CASP6: variants seen among roughly 807,000 people sequenced by gnomAD.
CASP6 encodes caspase-6.
In CASP6, 20 loss-of-function variants were observed where a neutral mutation model predicts 31.8. The ratio of observed to expected loss-of-function variants is 0.63; its 90% CI spans 0.44 to 0.91. The LOEUF (loss-of-function observed/expected upper bound fraction) is 0.91. Ranked by LOEUF, CASP6 falls within the 40% of genes least tolerant of loss-of-function variation. CASP6 has a pLI of 0.00. For missense variants in CASP6, 328 were observed against 361.1 expected, an observed-to-expected ratio of 0.91 and a Z score of 0.74; for synonymous variants, 130 against 127.8, an observed-to-expected ratio of 1.02 and a Z score of -0.12.
chr4:109,689,769 G>A (rs1044445993), intron 6 of CASP6, among the ~76,000 whole-genome samples: 11 of 152,044 alleles, frequency 7.2e-5, no homozygotes, highest in Non-Finnish European at 1.6e-4. Context: ...TTATATACAC[G>A]GGGTTAATTC....
the CASP6 span, among the ~76,000 whole-genome samples, chr4:109,679,010 T>C: frequency 1.7e-3 from 202 of 120,934 alleles, no homozygotes; most frequent in Non-Finnish European, 2.2e-3. Flanking sequence ...ACTTCCTAGA[T>C]GGGGTGGCAG....
In CASP6 at chr4:109,689,560, A is replaced by AATAAT. The variant is rs1729966973; in HGVS notation, c.647_651dup (p.Ser218IlefsTer8). On this transcript the variant is annotated frameshift_variant, in exon 7 of 7. Transcript: ENST00000265164. LOFTEE classifies it high-confidence loss of function. ...GAGCCGTTCACAGTTTCCCGGTGAGAATAATATCCTAAAAAAGTGAGAAGG... is the reference window on the plus strand; with the variant it reads ...GAGCCGTTCACAGTTTCCCGGTGAGAATAATATAATATCCTAAAAAAGTGAGAAGG... 6.2e-7 allele frequency: 1 copy of AATAAT among 1,613,186 alleles called. No homozygotes were observed. The highest frequency in any genetic ancestry group is 1.3e-5 in the African/African-American group (1 of 74,880).
At chr4:109,680,184 A>C in the CASP6 span, among the ~76,000 whole-genome samples, 1 of 152,306 alleles carries the variant, frequency 6.6e-6, no homozygotes, top group African/African-American at 2.4e-5. Flanking sequence ...GTTCAAGGAC[A>C]TAACTCTGGC....
upstream of CASP6, among the ~76,000 whole-genome samples, chr4:109,705,999 AAAATATAT>A (rs1402456248): frequency 3.9e-4 from 14 of 35,990 alleles, no homozygotes; most frequent in African/African-American, 1.8e-3. Flanking sequence ...AAAAAAAAAA[AAAATATAT>A]ATATATATAT....
chr4:109,706,290 G>GTC (rs540487746), upstream of CASP6, among the ~76,000 whole-genome samples: 69 of 150,860 alleles, frequency 4.6e-4, 2 homozygotes, highest in South Asian at 0.014. Context: ...AGGGGTTCAA[G>GTC]ACTTCAGTGA....
chr4:109,672,819 T>A, the CASP6 span, among the ~76,000 whole-genome samples: 2 of 152,232 alleles, frequency 1.3e-5, no homozygotes, highest in African/African-American at 2.4e-5. Flanking sequence ...TGTGTCTTTG[T>A]GACTTGCTCC....
upstream of CASP6, among the ~76,000 whole-genome samples, chr4:109,705,092 G>A (rs983106088): frequency 6.6e-6 from 1 of 152,208 alleles, no homozygotes; most frequent in Admixed American, 6.5e-5. Context: ...AGAAGTCAAT[G>A]CCTGTCTTCA....
At chr4:109,695,019 C>T (rs191492192) in intron 4 of CASP6, among the ~76,000 whole-genome samples, 19 of 152,068 alleles carry the variant, frequency 1.2e-4, no homozygotes, top group Non-Finnish European at 2.2e-4. Context: ...TTAGTAGAGA[C>T]GGGGTTTTGC....
chr4:109,706,463 C>T (rs1207875616), upstream of CASP6, among the ~76,000 whole-genome samples: 4 of 152,024 alleles, frequency 2.6e-5, no homozygotes, highest in East Asian at 1.9e-4. Flanking sequence ...ATAGAATCTA[C>T]TCCTGGTGAA....
At chr4:109,673,790 G>A in the CASP6 span, 10 of 635,890 alleles carry the variant, frequency 1.6e-5, no homozygotes, top group East Asian at 5.1e-5. Flanking sequence ...ATCAGAAGCC[G>A]GTTGGCGGGT....
the CASP6 span, among the ~76,000 whole-genome samples, chr4:109,675,024 C>T: frequency 6.6e-6 from 1 of 152,158 alleles, no homozygotes; most frequent in Admixed American, 6.5e-5. Flanking sequence ...TCTCTTGTCT[C>T]ATCTGAATTT....
At chr4:109,681,288 G>T in the CASP6 span, 1 of 279,512 alleles carries the variant, frequency 3.6e-6, no homozygotes. Flanking sequence ...TGAGTCTCTG[G>T]GGTCAGCAAA....
intron 6 of CASP6, among the ~76,000 whole-genome samples, chr4:109,690,246 A>AC: frequency 1.2e-5 from 1 of 80,640 alleles, no homozygotes; most frequent in African/African-American, 5.9e-5. Context: ...TAAAAAAAAA[A>AC]AACGCACGCA....
At chr4:109,665,687 A>AT in the CASP6 span, among the ~76,000 whole-genome samples, 1 of 152,050 alleles carries the variant, frequency 6.6e-6, no homozygotes, top group African/African-American at 2.4e-5. Flanking sequence ...TGTATTGTTA[A>AT]TTTTTATTAG....
downstream of CASP6, among the ~76,000 whole-genome samples, chr4:109,686,938 T>G (rs185023494): frequency 1.3e-4 from 20 of 151,422 alleles, no homozygotes; most frequent in Non-Finnish European, 2.8e-4. Flanking sequence ...AAAGTGGAGA[T>G]AAAAAGATAA....
chr4:109,678,845 C>T, the CASP6 span, among the ~76,000 whole-genome samples: 1 of 128,504 alleles, frequency 7.8e-6, no homozygotes, highest in Non-Finnish European at 1.6e-5. Context: ...GAGGCGCTCT[C>T]ACTTCCTCCC....
the CASP6 span, among the ~76,000 whole-genome samples, chr4:109,679,135 C>T: frequency 6.6e-6 from 1 of 151,280 alleles, no homozygotes; most frequent in Non-Finnish European, 1.5e-5. Context: ...GACGGGATGG[C>T]CGGGCAGAGG....
chr4:109,693,166 A>G (rs575064727), intron 5 of CASP6, among the ~76,000 whole-genome samples: 1 of 152,240 alleles, frequency 6.6e-6, no homozygotes, highest in South Asian at 2.1e-4. Context: ...ACCTTCCACC[A>G]TAATTGTAAG....
chr4:109,676,473 T>G, the CASP6 span, among the ~76,000 whole-genome samples: 1 of 152,178 alleles, frequency 6.6e-6, no homozygotes, highest in Non-Finnish European at 1.5e-5. Flanking sequence ...CCATTATTGT[T>G]ATGGACTTGC....
Sources: gnomAD v4.1 joint callset for allele counts (sites outside exome capture counted in the v4.1 genomes callset) on GRCh38, gnomAD v4.1.1 for gene constraint, MANE v1.5 for transcripts, NCBI Gene and HGNC (gene_info 2026-07-23, HGNC 2026-07-21) for gene names.